The following USH2A variants were observed in gnomAD, a reference collection of about 807,000 sequenced individuals.
USH2A encodes the protein Usher syndrome 2A (autosomal recessive, mild).
Under a neutral mutation model 538.9 loss-of-function variants are expected in USH2A, and 443 were observed. The ratio of observed to expected loss-of-function variants is 0.82; its 90% CI spans 0.76 to 0.89. The LOEUF (loss-of-function observed/expected upper bound fraction) is 0.89, where lower values mean the gene tolerates loss of function less well. Ranked by LOEUF, USH2A falls within the 40% of genes least tolerant of loss-of-function variation. USH2A has a pLI of 0.00. For missense variants in USH2A, 6,633 were observed against 6,324.8 expected (o/e 1.05, Z -1.65); for synonymous variants, 2,413 against 2,273.5 (o/e 1.06, Z -1.75).
At chr1:215,671,374 A>C in intron 63 of USH2A, 81 bp from the exon 64 acceptor site, 1 of 1,367,788 alleles carries the variant, frequency 7.3e-7, no homozygotes, top group East Asian at 2.4e-5. Flanking sequence ...CCAGGCCTTA[A>C]AAAAAAAAGA....
intron 9 of USH2A, among the ~76,000 whole-genome samples, chr1:216,312,982 G>A (rs1053728711): frequency 4.6e-5 from 7 of 152,074 alleles, no homozygotes; most frequent in Non-Finnish European, 5.9e-5. Context: ...AGCGTTCTAT[G>A]GCAGTGGTCC....
At position 215,648,521 on chromosome 1, in the gene USH2A, C is replaced by G. The variant is rs1408750608; in HGVS notation, c.14582+7G>C. ...TAGTTTCTTCATCCTTCTGCCTGAC[C>G]CATTACCTGTGAATGACACCATTGG... On this transcript the variant is annotated splice_region_variant and intron_variant, in intron 66 of 71. Transcript: ENST00000307340. 1 of 1,613,720 alleles carries G rather than the reference C, an allele frequency of 6.2e-7. No individual in the cohort carries two copies. Among genetic ancestry groups the G allele is most frequent in the Non-Finnish European group, 8.5e-7 (1 of 1,179,642 alleles).
At chr1:216,115,300 C>A (rs2032980045) in intron 21 of USH2A, among the ~76,000 whole-genome samples, 1 of 152,088 alleles carries the variant, frequency 6.6e-6, no homozygotes, top group South Asian at 2.1e-4. Flanking sequence ...TGCCATCACA[C>A]CCAGCTAATT....
intron 11 of USH2A, among the ~76,000 whole-genome samples, chr1:216,256,712 CTCTT>C (rs1214150461): frequency 2.0e-5 from 3 of 151,982 alleles, no homozygotes. Context: ...AATACATTTT[CTCTT>C]TCTTATGATT....
At chr1:216,361,151 G>A (rs143027968) in intron 4 of USH2A, among the ~76,000 whole-genome samples, 14 of 152,020 alleles carry the variant, frequency 9.2e-5, no homozygotes, top group African/African-American at 3.4e-4. Context: ...CTGCAGAATG[G>A]TAGAAACATT....
chr1:215,675,811 T>C (rs1435910076), intron 62 of USH2A, among the ~76,000 whole-genome samples, 195 bp from the exon 63 acceptor site: 2 of 152,202 alleles, frequency 1.3e-5, no homozygotes, highest in African/African-American at 4.8e-5. Flanking sequence ...AAACAATGTT[T>C]TTCTTTGCCT....
chr1:216,089,425 C>A (rs2032240330), intron 22 of USH2A, among the ~76,000 whole-genome samples: 2 of 151,858 alleles, frequency 1.3e-5, no homozygotes, highest in African/African-American at 2.4e-5. Flanking sequence ...ATGAATATAG[C>A]TATTCATCAG....
chr1:215,973,656 CTTT>C (rs750306238), intron 35 of USH2A, among the ~76,000 whole-genome samples: 15 of 130,964 alleles, frequency 1.1e-4, no homozygotes, highest in African/African-American at 2.9e-4. Flanking sequence ...TCTTCTTCTT[CTTT>C]TTTTTTTTTT....
rs1329167957 is a variant in USH2A, at chr1:216,000,575, G to A, written c.6326-13C>T. ...AATACTGCTAAATCTAGGGGATAGG[G>A]AGAAACAAGAATTTACTCAGCATTA... On this transcript the variant is annotated splice_polypyrimidine_tract_variant and intron_variant, in intron 32 of 71. Transcript: ENST00000307340. 3 of 1,612,862 alleles carry A rather than the reference G, an allele frequency of 1.9e-6. No individual in the cohort carries two copies. The highest frequency in any genetic ancestry group is 8.5e-7 in the Non-Finnish European group (1 of 1,179,268).
intron 14 of USH2A, among the ~76,000 whole-genome samples, 158 bp downstream of exon 14, chr1:216,231,795 C>T (rs757485029): frequency 3.9e-5 from 6 of 152,064 alleles, no homozygotes; most frequent in East Asian, 3.9e-4. Context: ...CCTCGTGATC[C>T]GCCTGCCTTG....
At position 216,250,933 on chromosome 1, in the gene USH2A, C is replaced by T. The variant is rs696723; in HGVS notation, c.2137G>A (p.Gly713Ser). 1.2e-6 allele frequency: 2 copies of T among 1,613,928 alleles called. No homozygotes were observed. Among genetic ancestry groups the T allele is most frequent in the Non-Finnish European group, 1.7e-6 (2 of 1,179,972 alleles). The change falls in exon 12 of 72, where the codon GGC (glycine) becomes AGC (serine). Residue 713 changes from glycine to serine, a missense_variant. Physicochemically the swap from Gly to Ser is moderately conservative, Grantham distance 56. Transcript: ENST00000307340. The part of the protein sequence containing the change: ...DGDITCHQNS[G>S]QCKCKANVIG... The stretch of plus-strand genomic sequence containing the variant: ...ACGTTTGCTTTGCACTTGCACTGGC[C>T]TGAATTTTGGTGACAGGTAATATCT...
chr1:216,267,970 G>C (rs1445361098), intron 11 of USH2A, among the ~76,000 whole-genome samples: 1 of 152,026 alleles, frequency 6.6e-6, no homozygotes, highest in African/African-American at 2.4e-5. Context: ...CAACCCTTTT[G>C]AACACTTACG....
intron 57 of USH2A, among the ~76,000 whole-genome samples, chr1:215,759,146 G>A (rs992454856): frequency 6.6e-6 from 1 of 152,124 alleles, no homozygotes. Context: ...AAATGAAATT[G>A]ATCTCTACTT....
chr1:215,935,745 G>A (rs1363733715), intron 37 of USH2A, among the ~76,000 whole-genome samples: 1 of 151,904 alleles, frequency 6.6e-6, no homozygotes, highest in Non-Finnish European at 1.5e-5. Context: ...AAATTTATGA[G>A]ACAATTTTTT....
intron 67 of USH2A, 114 bp from the exon 68 acceptor site, chr1:215,640,848 A>C (rs1656660747): frequency 3.5e-6 from 3 of 854,032 alleles, no homozygotes; most frequent in Admixed American, 3.2e-5. Flanking sequence ...TCCAAACAAA[A>C]AAAAAAAAAA....
At chr1:216,370,377 A>G (rs2038685044) in intron 3 of USH2A, among the ~76,000 whole-genome samples, 1 of 151,000 alleles carries the variant, frequency 6.6e-6, no homozygotes, top group African/African-American at 2.4e-5. Context: ...GAAAAAAAAG[A>G]AAAAAAGAAT....
chr1:215,647,782 A>ACTCT, intron 66 of USH2A, 52 bp from the exon 67 acceptor site: 1 of 1,595,574 alleles, frequency 6.3e-7, no homozygotes, highest in South Asian at 1.1e-5. Flanking sequence ...AATTAGTTTA[A>ACTCT]CTCTCTCTTT....
At chr1:215,900,987 G>A (rs1665484057) in intron 38 of USH2A, 82 bp from the exon 39 acceptor site, 1 of 1,555,876 alleles carries the variant, frequency 6.4e-7, no homozygotes, top group African/African-American at 1.4e-5. Flanking sequence ...TCCATATACT[G>A]GAAAAACTGT....
At chr1:215,690,629 T>G (rs1463927392) in intron 61 of USH2A, among the ~76,000 whole-genome samples, 1 of 152,184 alleles carries the variant, frequency 6.6e-6, no homozygotes, top group Non-Finnish European at 1.5e-5. Flanking sequence ...ATGATTCTGA[T>G]GTACCTAGAA....
Sources: allele counts gnomAD v4.1 joint callset (sites outside exome capture counted in the v4.1 genomes callset), GRCh38; gene constraint gnomAD v4.1.1; transcripts MANE v1.5; gene names NCBI Gene and HGNC (gene_info 2026-07-23, HGNC 2026-07-21).